SAMD5: variants seen among roughly 807,000 people sequenced by gnomAD.
The protein encoded by SAMD5 is sterile alpha motif domain-containing protein 5.
Under a neutral mutation model 11.3 loss-of-function variants are expected in SAMD5, and 13 were observed. The observed-to-expected ratio is 1.15, with a 90% CI of 0.75 to 1.83. The LOEUF (loss-of-function observed/expected upper bound fraction) is 1.83, where lower values mean the gene tolerates loss of function less well. Ranked by LOEUF, SAMD5 falls within the 40% of genes most tolerant of loss-of-function variation. SAMD5 has a pLI of 0.00. For synonymous variants in SAMD5, 129 were observed against 111.3 expected, an observed-to-expected ratio of 1.16 and a Z score of -1.00; for missense variants, 255 against 239.1, an observed-to-expected ratio of 1.07 and a Z score of -0.44.
At chr6:147,561,548 TATG>T in intron 1 of SAMD5, among the ~76,000 whole-genome samples, 1 of 152,246 alleles carries the variant, frequency 6.6e-6, no homozygotes, top group East Asian at 1.9e-4. Flanking sequence ...GTCAACCTAG[TATG>T]ATAACCGAGA....
intron 1 of SAMD5, among the ~76,000 whole-genome samples, chr6:147,594,246 T>C (rs550818172): frequency 6.6e-6 from 1 of 152,286 alleles, no homozygotes; most frequent in South Asian, 2.1e-4. Context: ...CTTTGATCCC[T>C]TTTTCCCTCT....
chr6:147,814,760 C>T, the SAMD5 span, among the ~76,000 whole-genome samples: 9 of 152,158 alleles, frequency 5.9e-5, no homozygotes, highest in Non-Finnish European at 5.9e-5. Flanking sequence ...TGTACCTTTG[C>T]CATGCAAATT....
At chr6:147,816,281 CAAAA>C in the SAMD5 span, among the ~76,000 whole-genome samples, 18 of 27,832 alleles carry the variant, frequency 6.5e-4, no homozygotes, top group African/African-American at 2.7e-3. Flanking sequence ...ACTCCGTCTC[CAAAA>C]AAAAAAAAAA....
intron 1 of SAMD5, among the ~76,000 whole-genome samples, chr6:147,550,133 C>A (rs1256158388): frequency 6.6e-6 from 1 of 151,868 alleles, no homozygotes; most frequent in Non-Finnish European, 1.5e-5. Context: ...GTTTGAGCTA[C>A]TTGGGAGGCT....
the SAMD5 span, among the ~76,000 whole-genome samples, chr6:147,819,289 A>G: frequency 2.0e-5 from 3 of 152,288 alleles, no homozygotes; most frequent in African/African-American, 7.2e-5. Flanking sequence ...GAACACATGG[A>G]CACAAAGAGG....
Position 147,555,486 on chromosome 6 carries a change from C to T in SAMD5, c.460-8908C>T, listed in dbSNP as rs192964234. ...AAACAAGAATTTCAGAAAACTTATA[C>T]TTGCCCCAGTGAGTTTGATAGTTTC... is the stretch of plus-strand genomic sequence containing the variant. On this transcript the variant is annotated intron_variant, in intron 1 of 1. Coordinates refer to ENST00000367474, the MANE Select transcript of SAMD5 (RefSeq NM_001030060.3). 2.0e-5 allele frequency among the ~76,000 whole-genome samples: 3 copies of T among 152,318 alleles called. No individual in the cohort carries two copies. In the East Asian group the frequency reaches 5.8e-4, roughly 29 times the overall value.
the SAMD5 span, among the ~76,000 whole-genome samples, chr6:147,768,236 A>C: frequency 6.6e-6 from 1 of 152,186 alleles, no homozygotes; most frequent in African/African-American, 2.4e-5. Flanking sequence ...GGTGGCTTAC[A>C]CCTGTAATTC....
At chr6:147,783,597 C>T in the SAMD5 span, among the ~76,000 whole-genome samples, 1 of 152,094 alleles carries the variant, frequency 6.6e-6, no homozygotes, top group African/African-American at 2.4e-5. Context: ...CGGGGTTTCA[C>T]TGTGTTGACC....
chr6:147,565,436 T>A lies in SAMD5; in HGVS notation c.*980T>A. 1 of 984,272 alleles carries A rather than the reference T, an allele frequency of 1.0e-6. No homozygotes were observed. The highest frequency in any genetic ancestry group is 4.7e-5 in the South Asian group (1 of 21,234). 61.0% of individuals were successfully genotyped at this position (984,272 alleles called of 1,614,324 possible). A position where few individuals can be genotyped will look rare whatever the true frequency, so the allele number is the denominator to read the frequency against. On this transcript the variant is annotated 3_prime_UTR_variant, in exon 2 of 2. Transcript: ENST00000367474. The stretch of plus-strand genomic sequence containing the variant: ...TAGAGTTTTTCTAATTCTTATCGTC[T>A]TATCGTTCTTGTGTTTGGATGCTGG...
intron 1 of SAMD5, among the ~76,000 whole-genome samples, chr6:147,628,599 T>C (rs945456931): frequency 6.6e-6 from 1 of 152,110 alleles, no homozygotes; most frequent in African/African-American, 2.4e-5. Context: ...TCATAGAAAA[T>C]AGAGAAATTT....
intron 1 of SAMD5, among the ~76,000 whole-genome samples, chr6:147,532,550 G>A (rs926608677): frequency 3.3e-5 from 5 of 152,174 alleles, no homozygotes; most frequent in African/African-American, 1.2e-4. Flanking sequence ...CACTTAGGTT[G>A]GTTCCATATC....
chr6:147,848,065 T>C, the SAMD5 span, among the ~76,000 whole-genome samples: 1 of 152,218 alleles, frequency 6.6e-6, no homozygotes, highest in Non-Finnish European at 1.5e-5. Context: ...ACTTTTGATG[T>C]CCAAAATATT....
chr6:147,620,879 C>A (rs909993033), intron 1 of SAMD5, among the ~76,000 whole-genome samples: 3 of 151,802 alleles, frequency 2.0e-5, no homozygotes, highest in Non-Finnish European at 4.4e-5. Flanking sequence ...AGAAGGGAGA[C>A]AAAGTTAGAA....
At chr6:147,799,280 T>C in the SAMD5 span, among the ~76,000 whole-genome samples, 1 of 152,298 alleles carries the variant, frequency 6.6e-6, no homozygotes, top group African/African-American at 2.4e-5. Context: ...ACAAAATCTC[T>C]CAGCATTTGC....
At chr6:147,857,619 T>C in the SAMD5 span, among the ~76,000 whole-genome samples, 4 of 149,480 alleles carry the variant, frequency 2.7e-5, no homozygotes, top group East Asian at 3.9e-4. Flanking sequence ...TACTGTACTT[T>C]GGCATAAATT....
chr6:147,743,791 T>G, the SAMD5 span, among the ~76,000 whole-genome samples: 9 of 152,218 alleles, frequency 5.9e-5, no homozygotes, highest in African/African-American at 2.2e-4. Flanking sequence ...AAGTCCCCAC[T>G]TAGTAAATGT....
chr6:147,590,860 A>G (rs1331917804), intron 1 of SAMD5, among the ~76,000 whole-genome samples: 1 of 152,240 alleles, frequency 6.6e-6, no homozygotes. Context: ...TTCCTGTAAG[A>G]AGTAACTAAA....
intron 1 of SAMD5, among the ~76,000 whole-genome samples, chr6:147,640,554 G>A (rs1358542316): frequency 1.4e-5 from 2 of 139,624 alleles, no homozygotes; most frequent in African/African-American, 5.1e-5. Context: ...GCAGAAGTCT[G>A]CAAAATCTAG....
At chr6:147,617,339 C>A (rs929625301) in intron 1 of SAMD5, among the ~76,000 whole-genome samples, 1 of 152,322 alleles carries the variant, frequency 6.6e-6, no homozygotes, top group Non-Finnish European at 1.5e-5. Context: ...GTGTTCAGCC[C>A]TGGCCTCCAT....
Sources: allele counts gnomAD v4.1 joint callset (sites outside exome capture counted in the v4.1 genomes callset), GRCh38; gene constraint gnomAD v4.1.1; transcripts MANE v1.5; gene names NCBI Gene and HGNC (gene_info 2026-07-23, HGNC 2026-07-21).